Variants in CYTH3 observed in about 807,000 individuals in gnomAD.
The protein encoded by CYTH3 is cytohesin-3.
Under a neutral mutation model 55.1 loss-of-function variants are expected in CYTH3, and 23 were observed. That is an observed-to-expected ratio of 0.42 (90% confidence interval 0.30 to 0.59). CYTH3 has a LOEUF of 0.59. CYTH3 is among the 20% of genes least tolerant of loss of function. The pLI is 0.20. For synonymous variants in CYTH3, 249 were observed against 194.9 expected, an observed-to-expected ratio of 1.28 and a Z score of -2.31; for missense variants, 413 against 524.8, an observed-to-expected ratio of 0.79 and a Z score of 2.08.
At chr7:6,175,111 G>T (rs189775113) in intron 5 of CYTH3, among the ~76,000 whole-genome samples, 206 of 152,284 alleles carry the variant, frequency 1.4e-3, no homozygotes, top group Non-Finnish European at 1.9e-3. Flanking sequence ...AGAAATATAT[G>T]AAGATATTTG....
chr7:6,209,327 T>TA (rs1200696626), intron 1 of CYTH3, among the ~76,000 whole-genome samples: 8 of 152,212 alleles, frequency 5.3e-5, no homozygotes, highest in Admixed American at 2.6e-4. Flanking sequence ...AAAAATATTG[T>TA]AAGATCTTGA....
At chr7:6,168,859 G>C (rs1313913637) in intron 9 of CYTH3, among the ~76,000 whole-genome samples, 1 of 152,208 alleles carries the variant, frequency 6.6e-6, no homozygotes, top group Non-Finnish European at 1.5e-5. Context: ...TGTCCCTCGA[G>C]GGGACACTGG....
At position 6,189,775 on chromosome 7, in the gene CYTH3, G is replaced by A. The variant is rs1051927512; in HGVS notation, c.117+674C>T. ...TTGGTGGCTGGGCGCAGTGGCTCAC[G>A]TCTGTGATCCCAGCACTTTGGGAGG... On this transcript the variant is annotated intron_variant, in intron 2 of 12. Coordinates refer to ENST00000350796, the MANE Select transcript of CYTH3 (RefSeq NM_004227.4). Among the ~76,000 whole-genome samples, 4 of 152,162 alleles carry A rather than the reference G, an allele frequency of 2.6e-5. No individual in the cohort carries two copies. The East Asian group carries it at 5.8e-4, about 22-fold the overall frequency.
At chr7:6,263,622 C>T (rs1292192662) in intron 1 of CYTH3, among the ~76,000 whole-genome samples, 1 of 151,902 alleles carries the variant, frequency 6.6e-6, no homozygotes, top group African/African-American at 2.4e-5. Context: ...GTAGCAAAAA[C>T]CTGTCTCTAC....
chr7:6,200,447 C>G (rs1278833109), intron 1 of CYTH3, among the ~76,000 whole-genome samples: 2 of 152,128 alleles, frequency 1.3e-5, no homozygotes, highest in Non-Finnish European at 2.9e-5. Flanking sequence ...TAATACGTAC[C>G]CTGAACAAAA....
At chr7:6,264,232 G>A (rs959818649) in intron 1 of CYTH3, among the ~76,000 whole-genome samples, 34 of 151,720 alleles carry the variant, frequency 2.2e-4, no homozygotes, top group Non-Finnish European at 3.2e-4. Flanking sequence ...GGGCAACAAG[G>A]GCAAAACTCC....
intron 4 of CYTH3, among the ~76,000 whole-genome samples, chr7:6,180,232 T>A (rs1212588709): frequency 1.3e-5 from 2 of 152,210 alleles, no homozygotes; most frequent in Non-Finnish European, 2.9e-5. Context: ...CCCAGGGAAC[T>A]GAATGGGCCT....
intron 1 of CYTH3, among the ~76,000 whole-genome samples, chr7:6,257,719 G>A (rs980972445): frequency 2.6e-5 from 4 of 152,200 alleles, no homozygotes; most frequent in African/African-American, 7.2e-5. Flanking sequence ...CTGAATGAAT[G>A]ACAGAATGAA....
At chr7:6,190,849 G>A (rs1783784671) in intron 1 of CYTH3, among the ~76,000 whole-genome samples, 1 of 151,982 alleles carries the variant, frequency 6.6e-6, no homozygotes, top group African/African-American at 2.4e-5. Flanking sequence ...GGCTGAGGTG[G>A]GTGGATCACT....
chr7:6,253,090 C>T (rs540651269), intron 1 of CYTH3, among the ~76,000 whole-genome samples: 2 of 151,992 alleles, frequency 1.3e-5, no homozygotes, highest in South Asian at 2.1e-4. Flanking sequence ...AACATATTTA[C>T]AATTAAAAAA....
chr7:6,192,488 A>G (rs1783823063), intron 1 of CYTH3, among the ~76,000 whole-genome samples: 1 of 149,594 alleles, frequency 6.7e-6, no homozygotes, highest in South Asian at 2.1e-4. Flanking sequence ...CCTAAAGCAC[A>G]GGGATTACAG....
chr7:6,241,872 G>C (rs911102089), intron 1 of CYTH3, among the ~76,000 whole-genome samples: 1 of 152,086 alleles, frequency 6.6e-6, no homozygotes, highest in African/African-American at 2.4e-5. Flanking sequence ...ACATGAAAAA[G>C]GTGAGGTGTA....
At chr7:6,247,868 G>A (rs1779861493) in intron 1 of CYTH3, among the ~76,000 whole-genome samples, 1 of 151,792 alleles carries the variant, frequency 6.6e-6, no homozygotes. Context: ...TCCCAGGCTG[G>A]TCTCGAACTC....
chr7:6,238,853 C>A (rs1779596354), intron 1 of CYTH3, among the ~76,000 whole-genome samples: 1 of 151,724 alleles, frequency 6.6e-6, no homozygotes, highest in African/African-American at 2.4e-5. Flanking sequence ...AAATCTGCTC[C>A]AAAAATAAAG....
In CYTH3 at chr7:6,170,607, G is replaced by C; in HGVS notation, c.751C>G (p.Pro251Ala). The stretch of plus-strand genomic sequence containing the variant: ...GTCAGGTCGTTCCCGTCGTCCTCCG[G>C]GATCTTAAATGGCTCGTTCTTAATG... ...ESIKNEPFKI[P>A]EDDGNDLTHT... The change falls in exon 9 of 13, where the codon CCG becomes GCG. Residue 251 changes from proline to alanine, a missense_variant. Physicochemically the swap from Pro to Ala is conservative, Grantham distance 27 (BLOSUM62 -1). Around this residue, in one of 4 missense-constraint regions of CYTH3, gnomAD observed 156 missense variants for 233.1 expected, o/e 0.67. Coordinates refer to ENST00000350796, the MANE Select transcript of CYTH3 (RefSeq NM_004227.4). The surrounding 1 kb of genome is among the most constrained non-coding windows in gnomAD (Gnocchi z 7.8). 1 of 1,614,012 alleles carries C rather than the reference G, an allele frequency of 6.2e-7. No homozygotes were observed. The highest frequency in any genetic ancestry group is 8.5e-7 in the Non-Finnish European group (1 of 1,179,904).
chr7:6,205,263 C>T (rs979882970), intron 1 of CYTH3, among the ~76,000 whole-genome samples: 3 of 151,982 alleles, frequency 2.0e-5, no homozygotes, highest in African/African-American at 4.8e-5. Context: ...AAGATAACAA[C>T]GTAATGTAAA....
rs762421588 is a variant in CYTH3 at position 6,173,715 on chromosome 7, T to C, written c.387A>G (p.Lys129=). ...GGAGTTCAACAAAGGCTTGAAGAAC[T>C]TTAATATTAAATTCATCCCTGGGAA... is the stretch of plus-strand genomic sequence containing the variant. ...YLGERDEFNI[K]VLQAFVELHE... is the part of the protein sequence containing the mutation. Residue 129 remains lysine (K), a synonymous_variant, in exon 6 of 13, where the codon AAA becomes AAG. Coordinates refer to ENST00000350796, the MANE Select transcript of CYTH3 (RefSeq NM_004227.4). 6.2e-7 allele frequency: 1 copy of C among 1,605,376 alleles called. No individual in the cohort carries two copies. Among genetic ancestry groups the C allele is most frequent in the Admixed American group, 1.7e-5 (1 of 60,018 alleles).
chr7:6,187,693 A>G lies in CYTH3; in HGVS notation c.146T>C (p.Met49Thr). 1 of 1,614,192 alleles carries G rather than the reference A, an allele frequency of 6.2e-7. No individual in the cohort carries two copies. Among genetic ancestry groups the G allele is most frequent in the Non-Finnish European group, 8.5e-7 (1 of 1,180,012 alleles). ...ERLKYEIAEV[M>T]TEIDNLTSVE... is the part of the protein sequence containing the mutation. ...GGAAGTTAGATTGTCGATCTCTGTC[A>G]TCACCTCTGCAATTTCATATTTCAG... The change falls in exon 3 of 13, where the codon ATG becomes ACG. Residue 49 changes from methionine to threonine, a missense_variant. Physicochemically the swap from Met to Thr is moderately conservative, Grantham distance 81. Transcript: ENST00000350796.
intron 1 of CYTH3, among the ~76,000 whole-genome samples, chr7:6,250,929 T>G (rs918024651): frequency 6.6e-6 from 1 of 152,190 alleles, no homozygotes; most frequent in Non-Finnish European, 1.5e-5. Context: ...GGATCAGAAA[T>G]TACTTCAGAG....
Sources: gnomAD v4.1 joint callset for allele counts (sites outside exome capture counted in the v4.1 genomes callset) on GRCh38, gnomAD v4.1.1 for gene constraint, gnomAD v4.1.1 regional missense constraint, Gnocchi (gnomAD v3.1) non-coding constraint, MANE v1.5 for transcripts, NCBI Gene and HGNC (gene_info 2026-07-23, HGNC 2026-07-21) for gene names.